RIT2: variants seen among roughly 807,000 people sequenced by gnomAD.
RIT2 encodes the protein GTP-binding protein Rit2.
RIT2 carries 24 observed loss-of-function variants against 23.7 expected under a neutral mutation model. That is an observed-to-expected ratio of 1.01 (90% CI 0.73 to 1.43). The LOEUF is 1.43. Ranked by LOEUF, RIT2 falls within the 40% of genes most tolerant of loss-of-function variation. The pLI, the probability that RIT2 is intolerant of heterozygous loss-of-function variation, is 0.00. For missense variants in RIT2, 236 were observed against 266.9 expected, an observed-to-expected ratio of 0.88 and a Z score of 0.81; for synonymous variants, 107 against 91.1, an observed-to-expected ratio of 1.17 and a Z score of -0.99.
Position 42,916,827 on chromosome 18 carries a change from G to A in RIT2, c.426+6745C>T, listed in dbSNP as rs546811566. 7.9e-5 allele frequency among the ~76,000 whole-genome samples: 12 copies of A among 152,230 alleles called. No individual in the cohort carries two copies. The South Asian group carries it at 2.5e-3, about 32-fold the overall frequency. ...AGACGTAGACACTGAGACAGAGTCT[G>A]AAGCGCAAGATGTTTATTAGGAATC... On this transcript the variant is annotated intron_variant, in intron 4 of 4. Transcript: ENST00000326695.
chr18:42,897,163 C>A (rs949224), intron 4 of RIT2, among the ~76,000 whole-genome samples: 6,543 of 152,228 alleles, frequency 0.043, 298 homozygotes, highest in East Asian at 0.16. Context: ...CTTTTACTTC[C>A]TTATATAAAA....
At chr18:43,008,150 C>T (rs1022212205) in intron 2 of RIT2, among the ~76,000 whole-genome samples, 2 of 151,508 alleles carry the variant, frequency 1.3e-5, no homozygotes, top group African/African-American at 4.8e-5. Context: ...CAGATTAATG[C>T]ATTAAACTAC....
chr18:42,884,277 C>T (rs1020528506), intron 4 of RIT2, among the ~76,000 whole-genome samples: 3 of 152,086 alleles, frequency 2.0e-5, no homozygotes, highest in Non-Finnish European at 4.4e-5. Flanking sequence ...TCTCTTAGCC[C>T]GGAGGGTGGA....
chr18:42,856,432 T>A (rs1046908534), intron 4 of RIT2, among the ~76,000 whole-genome samples: 1 of 152,200 alleles, frequency 6.6e-6, no homozygotes, highest in Non-Finnish European at 1.5e-5. Context: ...AGCCTACACA[T>A]AAAACTAGAC....
At chr18:42,743,817 C>A in intron 4 of RIT2, 97 bp from the exon 5 acceptor site, 1 of 916,090 alleles carries the variant, frequency 1.1e-6, no homozygotes, top group South Asian at 1.7e-5. Flanking sequence ...GGCCTCTGAG[C>A]CCAAGCCAAG....
intron 4 of RIT2, among the ~76,000 whole-genome samples, chr18:42,778,013 T>A (rs1913714783): frequency 6.6e-6 from 1 of 152,236 alleles, no homozygotes; most frequent in Non-Finnish European, 1.5e-5. Flanking sequence ...ATATTGGTTT[T>A]CAGGAAAACT....
rs113938633 is a variant in RIT2, at chr18:42,795,701, T to G, written c.427-51981A>C. Among the ~76,000 whole-genome samples, 189 of 152,366 alleles carry G rather than the reference T, an allele frequency of 1.2e-3. No homozygotes were observed. The Middle Eastern group carries it at 0.014, about 11-fold the overall frequency. The stretch of plus-strand genomic sequence containing the variant: ...GAAGCCAGCTGGGGTCCTGAGTCTG[T>G]TGGGGCCTTGGAGAACCTTTATGTC... On this transcript the variant is annotated intron_variant, in intron 4 of 4. Transcript: ENST00000326695.
chr18:42,821,592 C>T (rs77267037), intron 4 of RIT2, among the ~76,000 whole-genome samples: 7 of 151,988 alleles, frequency 4.6e-5, no homozygotes, highest in Non-Finnish European at 8.8e-5. Context: ...GTAGAAGGCA[C>T]GGAGCCGTAG....
chr18:42,997,450 AAAG>A (rs1911011205), intron 2 of RIT2, among the ~76,000 whole-genome samples: 1 of 152,080 alleles, frequency 6.6e-6, no homozygotes, highest in African/African-American at 2.4e-5. Context: ...CGAAAGAAAG[AAAG>A]AAGAGAGAGA....
chr18:42,923,770 GAA>G lies in RIT2; in HGVS notation c.235-9_235-8del, dbSNP rs10633642. ...GCATGGCTGTGAATTCTGCCTGCAG[GAA>G]AAAAAAAAAAAAATTAGTTATGGGC... is the stretch of plus-strand genomic sequence containing the variant. On this transcript the variant is annotated splice_polypyrimidine_tract_variant and splice_region_variant and intron_variant, in intron 3 of 4. Transcript: ENST00000326695. 7.3e-3 allele frequency: 10,150 copies of G among 1,386,070 alleles called. No homozygotes were observed. Among genetic ancestry groups the G allele is most frequent in the South Asian group, 0.014 (1,051 of 73,206 alleles). The allele number at this position is 1,386,070 out of a possible 1,614,324, so 85.9% of individuals were successfully genotyped here.
intron 4 of RIT2, among the ~76,000 whole-genome samples, chr18:42,880,042 T>C (rs1907846103): frequency 6.6e-6 from 1 of 152,168 alleles, no homozygotes; most frequent in Admixed American, 6.5e-5. Context: ...TTTCTCTCTG[T>C]TGAGTTTAGG....
intron 4 of RIT2, among the ~76,000 whole-genome samples, chr18:42,812,694 G>T (rs1905885231): frequency 6.6e-6 from 1 of 152,058 alleles, no homozygotes; most frequent in South Asian, 2.1e-4. Flanking sequence ...GAGAAAAGGG[G>T]AAAGAAAGGA....
At chr18:42,922,279 T>G (rs1211889907) in intron 4 of RIT2, among the ~76,000 whole-genome samples, 1 of 152,142 alleles carries the variant, frequency 6.6e-6, no homozygotes, top group African/African-American at 2.4e-5. Flanking sequence ...AAATTCATAT[T>G]TATAATACCC....
At chr18:43,074,029 G>A (rs1256978893) in intron 1 of RIT2, among the ~76,000 whole-genome samples, 2 of 152,052 alleles carry the variant, frequency 1.3e-5, no homozygotes, top group Non-Finnish European at 2.9e-5. Flanking sequence ...GTGAAGGATG[G>A]TGAAAAAATG....
chr18:42,859,357 C>T (rs547539144), intron 4 of RIT2, among the ~76,000 whole-genome samples: 10 of 152,178 alleles, frequency 6.6e-5, no homozygotes, highest in South Asian at 6.2e-4. Flanking sequence ...TCATCCTTGG[C>T]GAAATGATTA....
At chr18:43,085,274 G>A (rs994533760) in intron 1 of RIT2, among the ~76,000 whole-genome samples, 14 of 151,770 alleles carry the variant, frequency 9.2e-5, no homozygotes, top group African/African-American at 1.2e-4. Context: ...TTTTATCTAT[G>A]TATACATTGT....
chr18:42,793,850 C>T (rs1914095492), intron 4 of RIT2, among the ~76,000 whole-genome samples: 1 of 152,132 alleles, frequency 6.6e-6, no homozygotes, highest in African/African-American at 2.4e-5. Flanking sequence ...TTATTTATTA[C>T]TTGATAGAGG....
At chr18:42,804,561 T>TAAAA (rs564202513) in intron 4 of RIT2, among the ~76,000 whole-genome samples, 4 of 52,848 alleles carry the variant, frequency 7.6e-5, no homozygotes, top group African/African-American at 1.4e-4. Context: ...GCCTCAAAAC[T>TAAAA]AAAAAAAAAA....
intron 4 of RIT2, among the ~76,000 whole-genome samples, chr18:42,795,258 G>A (rs148759895): frequency 5.3e-5 from 8 of 152,218 alleles, no homozygotes; most frequent in African/African-American, 1.9e-4. Flanking sequence ...GGAGAGGCGC[G>A]AGCAGGAACC....
Sources: allele counts gnomAD v4.1 joint callset (sites outside exome capture counted in the v4.1 genomes callset), GRCh38; gene constraint gnomAD v4.1.1; transcripts MANE v1.5; gene names NCBI Gene and HGNC (gene_info 2026-07-23, HGNC 2026-07-21).